The following PCDHGB3 variants were observed in gnomAD, a reference collection of about 807,000 sequenced individuals.
The protein encoded by PCDHGB3 is protocadherin gamma-B3.
Under a neutral mutation model 59.2 loss-of-function variants are expected in PCDHGB3, and 40 were observed. The ratio of observed to expected loss-of-function variants is 0.68; its 90% CI spans 0.52 to 0.88. The LOEUF (loss-of-function observed/expected upper bound fraction) is 0.88, where lower values mean the gene tolerates loss of function less well. Among genes scored for constraint, PCDHGB3 ranks in the 40% least tolerant of loss-of-function variants. PCDHGB3 has a pLI of 0.00. For missense variants in PCDHGB3, 1,309 were observed against 1,187.9 expected, an observed-to-expected ratio of 1.10 and a Z score of -1.50; for synonymous variants, 581 against 503.6, an observed-to-expected ratio of 1.15 and a Z score of -2.06.
rs771608897 is a variant in PCDHGB3, at chr5:141,490,857, C to T, written c.2416-3950C>T. 58 of 1,613,714 alleles carry T rather than the reference C, an allele frequency of 3.6e-5. 1 individual carries two copies. The highest frequency in any genetic ancestry group is 1.8e-4 in the Admixed American group (11 of 59,992). Reference sequence around the variant, plus strand: ...AGATTGTGGTGGGGGTTCGAGACTCCGGCTCTCCCCCATTGCATGCCAACA... The same window carrying T: ...AGATTGTGGTGGGGGTTCGAGACTCTGGCTCTCCCCCATTGCATGCCAACA... On this transcript the variant is annotated intron_variant, in intron 1 of 3. Transcript: ENST00000576222. The surrounding 1 kb of genome is among the most constrained non-coding windows in gnomAD (Gnocchi z 5.4).
At chr5:141,462,152 G>C (rs1336635196) in intron 1 of PCDHGB3, among the ~76,000 whole-genome samples, 6 of 152,034 alleles carry the variant, frequency 3.9e-5, no homozygotes, top group African/African-American at 7.2e-5. Flanking sequence ...TAGAGATGGG[G>C]TTTCATCATG....
At chr5:141,481,462 C>T (rs1395867714) in intron 1 of PCDHGB3, among the ~76,000 whole-genome samples, 1 of 152,162 alleles carries the variant, frequency 6.6e-6, no homozygotes. Flanking sequence ...ACACTGAAAA[C>T]CATTGGATTA....
At chr5:141,441,791 C>T in intron 1 of PCDHGB3, 1 of 390,714 alleles carries the variant, frequency 2.6e-6, no homozygotes, top group Non-Finnish European at 5.1e-6. Flanking sequence ...TGAATGACAA[C>T]GCACCGCGGG....
At chr5:141,385,619 T>C (rs1478717188) in intron 1 of PCDHGB3, 1 of 1,064,028 alleles carries the variant, frequency 9.4e-7, no homozygotes, top group Non-Finnish European at 1.2e-6. Flanking sequence ...ATTTTATACA[T>C]TGGAATGAAT....
At chr5:141,412,385 AT>A (rs1277702119) in intron 1 of PCDHGB3, 2 of 152,236 alleles carry the variant, frequency 1.3e-5, no homozygotes, top group Admixed American at 1.3e-4. Flanking sequence ...AAATAGGTCC[AT>A]TTAACTTGTA....
rs751386839 is a variant in PCDHGB3 at position 141,371,146 on chromosome 5, T to C, written c.752T>C (p.Val251Ala). 4 of 1,614,022 alleles carry C rather than the reference T, an allele frequency of 2.5e-6. No homozygotes were observed. Among genetic ancestry groups the C allele is most frequent in the East Asian group, 4.5e-5 (2 of 44,892 alleles). Residue 251 changes from valine (V) to alanine (A), a missense_variant, in exon 1 of 4, where the codon GTT becomes GCT. By Grantham distance (64) the Val-to-Ala change is moderately conservative. Transcript: ENST00000576222. ...ACTCAGGACATGTACAGGGTCAATG[T>C]TGCAGAGAACCTGCCCGCTGGCTCC... ...VFTQDMYRVN[V>A]AENLPAGSSV...
intron 1 of PCDHGB3, chr5:141,375,677 G>A (rs1171088976): frequency 1.2e-6 from 2 of 1,614,236 alleles, no homozygotes; most frequent in South Asian, 1.1e-5. Context: ...ACAGCTGTGG[G>A]TGACAGCCAG....
In PCDHGB3 at chr5:141,476,445, T is replaced by G. The variant is rs2099391853; in HGVS notation, c.2416-18362T>G. 1 of 1,613,956 alleles carries G rather than the reference T, an allele frequency of 6.2e-7. No individual in the cohort carries two copies. The highest frequency in any genetic ancestry group is 1.7e-5 in the Admixed American group (1 of 60,008). The stretch of plus-strand genomic sequence containing the variant: ...CCCTCTTGCACTGTAACTCTGGAGT[T>G]GGTAGTGGAGAACCCGCTGGAGCTG... On this transcript the variant is annotated intron_variant, in intron 1 of 3. Coordinates refer to ENST00000576222, the MANE Select transcript of PCDHGB3 (RefSeq NM_018924.5). This position sits in a 1 kb window ranked among gnomAD's most constrained non-coding sequence, Gnocchi z 7.6.
intron 1 of PCDHGB3, among the ~76,000 whole-genome samples, chr5:141,481,731 A>G (rs1339022274): frequency 6.6e-6 from 1 of 152,060 alleles, no homozygotes; most frequent in African/African-American, 2.4e-5. Context: ...AGGCGGGCGG[A>G]TCACGAGGTC....
At chr5:141,440,501 A>G (rs2098183001) in intron 1 of PCDHGB3, 1 of 152,174 alleles carries the variant, frequency 6.6e-6, no homozygotes, top group African/African-American at 2.4e-5. Context: ...TCACATTAAT[A>G]TGGAGATTCA....
chr5:141,403,623 G>A (rs765775423), intron 1 of PCDHGB3: 1 of 1,613,898 alleles, frequency 6.2e-7, no homozygotes, highest in South Asian at 1.1e-5. Context: ...CGTCGCTCCA[G>A]CACAGTGCGC....
intron 1 of PCDHGB3, chr5:141,400,304 G>A (rs760976345): frequency 4.3e-6 from 7 of 1,613,930 alleles, no homozygotes; most frequent in African/African-American, 1.3e-5. Context: ...TTCCAACCTG[G>A]TCTCTGTGTC....
chr5:141,499,485 A>G (rs1278629076), intron 2 of PCDHGB3, among the ~76,000 whole-genome samples: 2 of 152,226 alleles, frequency 1.3e-5, no homozygotes, highest in Non-Finnish European at 2.9e-5. Flanking sequence ...ACCACCAACT[A>G]CAGTTTAATA....
At chr5:141,376,078 C>T (rs752847017) in intron 1 of PCDHGB3, 7 of 1,613,392 alleles carry the variant, frequency 4.3e-6, no homozygotes, top group South Asian at 3.3e-5. Flanking sequence ...TGGCCGTGGC[C>T]GACAGGATCC....
chr5:141,447,428 G>A (rs542079336), intron 1 of PCDHGB3, among the ~76,000 whole-genome samples: 4 of 152,182 alleles, frequency 2.6e-5, no homozygotes, highest in East Asian at 1.9e-4. Flanking sequence ...GTGAGCCACC[G>A]CACCCGGAGG....
At chr5:141,448,948 A>AAAAC (rs1237948751) in intron 1 of PCDHGB3, among the ~76,000 whole-genome samples, 2 of 152,170 alleles carry the variant, frequency 1.3e-5, no homozygotes, top group African/African-American at 2.4e-5. Flanking sequence ...GCAACTCAAA[A>AAAAC]AAACAAACAA....
intron 1 of PCDHGB3, among the ~76,000 whole-genome samples, chr5:141,466,246 A>G (rs1357175003): frequency 6.6e-6 from 1 of 152,100 alleles, no homozygotes; most frequent in Non-Finnish European, 1.5e-5. Flanking sequence ...TCATGGCTCA[A>G]TGCAGCCTTG....
At position 141,371,708 on chromosome 5, in the gene PCDHGB3, C is replaced by A. The variant is rs1767965097; in HGVS notation, c.1314C>A (p.Ile438=). ...CACCGCTCTCCTCCAGCAAGACCAT[C>A]ACTCTGCACATCCTTGATGTCAACG... is the stretch of plus-strand genomic sequence containing the variant. ...GNPPLSSSKT[I]TLHILDVNDN... is the part of the protein sequence containing the mutation. Residue 438 remains isoleucine (I), a synonymous_variant, in exon 1 of 4, where the codon ATC becomes ATA. Coordinates refer to ENST00000576222, the MANE Select transcript of PCDHGB3 (RefSeq NM_018924.5). The A allele has an allele frequency of 6.2e-7, 1 of 1,614,064 alleles. No homozygotes were observed. Among genetic ancestry groups the A allele is most frequent in the East Asian group, 2.2e-5 (1 of 44,888 alleles).
intron 1 of PCDHGB3, among the ~76,000 whole-genome samples, chr5:141,438,370 A>G (rs2097956460): frequency 1.3e-5 from 2 of 152,004 alleles, no homozygotes; most frequent in South Asian, 4.2e-4. Context: ...CATTGAGGGC[A>G]GATATAATTT....
Sources: allele counts gnomAD v4.1 joint callset (sites outside exome capture counted in the v4.1 genomes callset), GRCh38; gene constraint gnomAD v4.1.1; non-coding constraint Gnocchi (gnomAD v3.1); transcripts MANE v1.5; gene names NCBI Gene and HGNC (gene_info 2026-07-23, HGNC 2026-07-21).